The following SDCCAG8 variants were observed in gnomAD, a reference collection of about 807,000 sequenced individuals.
SDCCAG8 encodes the protein serologically defined colon cancer antigen 8.
A neutral mutation model predicts 101.8 loss-of-function variants in SDCCAG8; 74 were observed. That is an observed-to-expected ratio of 0.73 (90% CI 0.60 to 0.88). The LOEUF (loss-of-function observed/expected upper bound fraction) is 0.88, where lower values mean the gene tolerates loss of function less well. SDCCAG8 is among the 40% of genes least tolerant of loss of function. SDCCAG8 has a pLI of 0.00. For missense variants in SDCCAG8, 787 were observed against 822.6 expected (o/e 0.96, Z 0.53); for synonymous variants, 281 against 292.9 (o/e 0.96, Z 0.41).
At chr1:243,439,666 A>ACACACACACACACAC (rs2082400113) in intron 16 of SDCCAG8, among the ~76,000 whole-genome samples, 31 of 149,268 alleles carry the variant, frequency 2.1e-4, no homozygotes, top group African/African-American at 3.2e-4. Context: ...ACACACACAC[A>ACACACACACACACAC]TCATTGGAGC....
chr1:243,304,614 G>C, intron 6 of SDCCAG8, 99 bp from the exon 7 acceptor site: 2 of 684,702 alleles, frequency 2.9e-6, no homozygotes, highest in East Asian at 5.5e-5. Flanking sequence ...CCCCACGTTG[G>C]GTAAAAAGAA....
intron 16 of SDCCAG8, among the ~76,000 whole-genome samples, chr1:243,429,836 G>A (rs926378537): frequency 1.3e-5 from 2 of 151,652 alleles, no homozygotes; most frequent in Non-Finnish European, 2.9e-5. Flanking sequence ...GGAGTAGCTG[G>A]GATTACAGGC....
chr1:243,296,759 T>A (rs1389740094), intron 6 of SDCCAG8, among the ~76,000 whole-genome samples: 4 of 151,426 alleles, frequency 2.6e-5, no homozygotes, highest in Non-Finnish European at 4.4e-5. Context: ...GGTCTCGATC[T>A]CCTGACCTCG....
At chr1:243,427,729 T>C (rs2081436403) in intron 16 of SDCCAG8, among the ~76,000 whole-genome samples, 1 of 152,186 alleles carries the variant, frequency 6.6e-6, no homozygotes, top group Non-Finnish European at 1.5e-5. Flanking sequence ...CTTTATTGAA[T>C]GAAGACAGGC....
At chr1:243,275,536 G>C (rs2068468391) in intron 4 of SDCCAG8, among the ~76,000 whole-genome samples, 1 of 152,042 alleles carries the variant, frequency 6.6e-6, no homozygotes, top group South Asian at 2.1e-4. Flanking sequence ...TTTGTTCTTG[G>C]AGGACACAGT....
At position 243,474,561 on chromosome 1, in the gene SDCCAG8, A is replaced by G. The variant is rs1024788554; in HGVS notation, c.1986-14453A>G. Among the ~76,000 whole-genome samples, 2 of 152,190 alleles carry G rather than the reference A, an allele frequency of 1.3e-5. No individual in the cohort carries two copies. The highest frequency in any genetic ancestry group is 1.3e-4 in the Admixed American group (2 of 15,288). ...CGGCAGCGCTGAGACCTGGCCGCCTAGGCCACCCTGCCCGGCGAGGGAGAG... is the reference window on the plus strand; with the variant it reads ...CGGCAGCGCTGAGACCTGGCCGCCTGGGCCACCCTGCCCGGCGAGGGAGAG... On this transcript the variant is annotated intron_variant, in intron 16 of 17. Coordinates refer to ENST00000366541, the MANE Select transcript of SDCCAG8 (RefSeq NM_006642.5). This position sits in a 1 kb window ranked among gnomAD's most constrained non-coding sequence, Gnocchi z 4.7.
chr1:243,322,936 ACCATCCTGG>A (rs1447601820), intron 9 of SDCCAG8, among the ~76,000 whole-genome samples: 1 of 152,048 alleles, frequency 6.6e-6, no homozygotes, highest in Non-Finnish European at 1.5e-5. Context: ...AGAGATTGAG[ACCATCCTGG>A]CCAATGTGGT....
intron 9 of SDCCAG8, among the ~76,000 whole-genome samples, chr1:243,330,332 A>C (rs552485584): frequency 6.6e-6 from 1 of 152,304 alleles, no homozygotes; most frequent in East Asian, 1.9e-4. Context: ...TATGGCTTTA[A>C]TCATGAAAAT....
intron 17 of SDCCAG8, among the ~76,000 whole-genome samples, chr1:243,491,070 T>C (rs1321511703): frequency 6.6e-6 from 1 of 152,202 alleles, no homozygotes; most frequent in African/African-American, 2.4e-5. Context: ...GAGTCTTCCG[T>C]GGAAGCTGGA....
chr1:243,349,010 CAAAAAAA>C (rs200574627), intron 12 of SDCCAG8, among the ~76,000 whole-genome samples: 8 of 127,448 alleles, frequency 6.3e-5, no homozygotes, highest in African/African-American at 2.2e-4. Flanking sequence ...ACAAACAAAA[CAAAAAAA>C]AAAAAACACA....
At chr1:243,279,253 A>G (rs892687368) in intron 4 of SDCCAG8, among the ~76,000 whole-genome samples, 5 of 152,206 alleles carry the variant, frequency 3.3e-5, no homozygotes, top group African/African-American at 1.2e-4. Context: ...GATGTTCTTT[A>G]TCAAGTTGAG....
At chr1:243,483,282 C>T (rs1323564340) in intron 16 of SDCCAG8, among the ~76,000 whole-genome samples, 1 of 152,078 alleles carries the variant, frequency 6.6e-6, no homozygotes, top group East Asian at 1.9e-4. Context: ...CCGCCGGCGC[C>T]CTCGTCCCCG....
At chr1:243,296,471 C>T (rs949502514) in intron 6 of SDCCAG8, among the ~76,000 whole-genome samples, 2 of 150,036 alleles carry the variant, frequency 1.3e-5, no homozygotes, top group Non-Finnish European at 2.9e-5. Flanking sequence ...ACTTCTTTAC[C>T]TCCTATTCTT....
intron 7 of SDCCAG8, chr1:243,306,280 G>C (rs1231752009): frequency 6.6e-6 from 1 of 151,494 alleles, no homozygotes; most frequent in African/African-American, 2.4e-5. Context: ...CTTGTTTTTT[G>C]TCCTATTTTA....
intron 10 of SDCCAG8, among the ~76,000 whole-genome samples, chr1:243,339,417 C>T (rs768421639): frequency 2.7e-4 from 41 of 151,994 alleles, no homozygotes; most frequent in Admixed American, 4.6e-4. Flanking sequence ...CTCATGAACT[C>T]GAAATTTTAA....
At chr1:243,390,554 G>T (rs990583053) in intron 13 of SDCCAG8, among the ~76,000 whole-genome samples, 1 of 152,328 alleles carries the variant, frequency 6.6e-6, no homozygotes, top group East Asian at 1.9e-4. Flanking sequence ...TGTGTTTGCA[G>T]GTTCTGCTTA....
intron 8 of SDCCAG8, among the ~76,000 whole-genome samples, chr1:243,315,008 C>T (rs574559366): frequency 6.6e-6 from 1 of 152,172 alleles, no homozygotes; most frequent in Admixed American, 6.5e-5. Flanking sequence ...CTGCGCCTGG[C>T]CTTTTTTGTT....
rs76897123 is a variant in SDCCAG8, at chr1:243,364,376, A to G, written c.1474-14345A>G. On this transcript the variant is annotated intron_variant, in intron 12 of 17. Coordinates refer to ENST00000366541, the MANE Select transcript of SDCCAG8 (RefSeq NM_006642.5). ...CAAGCATAAATGTTAGTAAGAGCCT[A>G]TAGGTGAGAATGCTTTAGGTATGTT... Among the ~76,000 whole-genome samples the G allele has an allele frequency of 2.0e-3, 298 of 152,286 alleles. 6 individuals are homozygous for G. The East Asian group carries it at 0.039, about 20-fold the overall frequency.
intron 6 of SDCCAG8, among the ~76,000 whole-genome samples, chr1:243,296,193 G>A (rs1475676801): frequency 6.6e-6 from 1 of 151,768 alleles, no homozygotes; most frequent in Non-Finnish European, 1.5e-5. Context: ...ATGGGGTTTC[G>A]CCATGCTGCT....
Sources: gnomAD v4.1 joint callset for allele counts (sites outside exome capture counted in the v4.1 genomes callset) on GRCh38, gnomAD v4.1.1 for gene constraint, Gnocchi (gnomAD v3.1) non-coding constraint, MANE v1.5 for transcripts, NCBI Gene and HGNC (gene_info 2026-07-23, HGNC 2026-07-21) for gene names.